IL1RAPL2: variants seen among roughly 807,000 people sequenced by gnomAD.
IL1RAPL2 encodes the protein X-linked interleukin-1 receptor accessory protein-like 2.
IL1RAPL2 carries 3 observed loss-of-function variants against 44.1 expected under a neutral mutation model. The ratio of observed to expected loss-of-function variants is 0.07; its 90% CI spans 0.03 to 0.18. The LOEUF (loss-of-function observed/expected upper bound fraction) is 0.18. Among genes scored for constraint, IL1RAPL2 ranks in the 10% least tolerant of loss-of-function variants. The pLI is 1.00. For missense variants in IL1RAPL2, 391 were observed against 496.4 expected, an observed-to-expected ratio of 0.79 and a Z score of 2.02; for synonymous variants, 181 against 178.8, an observed-to-expected ratio of 1.01 and a Z score of -0.10.
At chrX:105,139,905 T>G (rs998203976) in intron 2 of IL1RAPL2, among the ~76,000 whole-genome samples, 2 of 112,141 alleles carry the variant, frequency 1.8e-5, no homozygotes, top group Non-Finnish European at 3.8e-5. Context: ...TGTTCTCCCT[T>G]TTTATGAACT....
chrX:104,726,836 G>C (rs1931805796), intron 2 of IL1RAPL2, among the ~76,000 whole-genome samples: 1 of 110,830 alleles, frequency 9.0e-6, no homozygotes, highest in South Asian at 3.8e-4. Context: ...TTGAAGTCAA[G>C]TAATGTGATG....
chrX:105,367,708 A>T (rs187456228), intron 5 of IL1RAPL2, among the ~76,000 whole-genome samples: 2 of 111,515 alleles, frequency 1.8e-5, no homozygotes, highest in Non-Finnish European at 3.8e-5. Flanking sequence ...TTAACAAATG[A>T]TTGTATCTAT....
chrX:105,642,537 C>T (rs1031141706), intron 6 of IL1RAPL2, among the ~76,000 whole-genome samples: 13 of 112,040 alleles, frequency 1.2e-4, no homozygotes, highest in African/African-American at 4.2e-4. Flanking sequence ...AGACCCACAA[C>T]ACATAACCAG....
chrX:105,510,907 C>T (rs2036465040), intron 6 of IL1RAPL2, among the ~76,000 whole-genome samples: 1 of 111,746 alleles, frequency 8.9e-6, no homozygotes, highest in Non-Finnish European at 1.9e-5. Flanking sequence ...TGTTGTTTTG[C>T]CACAAACTTT....
At chrX:104,633,473 G>C (rs1929706470) in intron 1 of IL1RAPL2, among the ~76,000 whole-genome samples, 1 of 111,506 alleles carries the variant, frequency 9.0e-6, no homozygotes, top group Non-Finnish European at 1.9e-5. Flanking sequence ...TCAGGTCCTG[G>C]ACTTTTTTTG....
chrX:105,514,118 T>C (rs184291247), intron 6 of IL1RAPL2, among the ~76,000 whole-genome samples: 163 of 111,560 alleles, frequency 1.5e-3, no homozygotes, highest in Non-Finnish European at 1.9e-3. Flanking sequence ...CAAATGTCAG[T>C]CTACTATTAA....
intron 2 of IL1RAPL2, among the ~76,000 whole-genome samples, chrX:104,898,080 G>A (rs1330419755): frequency 9.0e-6 from 1 of 111,691 alleles, no homozygotes; most frequent in African/African-American, 3.3e-5. Context: ...TATCATTGAC[G>A]GAGAGATTGG....
At chrX:105,265,407 G>T (rs746231266) in intron 4 of IL1RAPL2, among the ~76,000 whole-genome samples, 19 of 111,785 alleles carry the variant, frequency 1.7e-4, no homozygotes, top group African/African-American at 5.8e-4. Context: ...CTTTTTCTCT[G>T]TGTTCAGACT....
chrX:104,608,631 G>GT (rs1372224305), intron 1 of IL1RAPL2, among the ~76,000 whole-genome samples: 1 of 75,963 alleles, frequency 1.3e-5, no homozygotes, highest in African/African-American at 4.9e-5. Flanking sequence ...TTTAAAGTCT[G>GT]TTTTTTTAGA....
At chrX:105,750,273 T>C (rs1349757343) in intron 9 of IL1RAPL2, among the ~76,000 whole-genome samples, 3 of 78,542 alleles carry the variant, frequency 3.8e-5, no homozygotes, top group African/African-American at 1.0e-4. Flanking sequence ...TTTGTTTTGT[T>C]TTGTCTTTTT....
intron 2 of IL1RAPL2, among the ~76,000 whole-genome samples, chrX:104,695,788 G>GT (rs1931171659): frequency 9.0e-6 from 1 of 111,190 alleles, no homozygotes; most frequent in African/African-American, 3.3e-5. Context: ...CAACAGCCCT[G>GT]TGAAGTAGGT....
chrX:105,242,031 GTA>G (rs1397600219), intron 4 of IL1RAPL2, among the ~76,000 whole-genome samples: 1 of 111,904 alleles, frequency 8.9e-6, no homozygotes, highest in African/African-American at 3.2e-5. Flanking sequence ...TTTTAATTAT[GTA>G]CTAGGTGTGG....
chrX:105,448,546 G>GT (rs1035147114), intron 5 of IL1RAPL2, among the ~76,000 whole-genome samples: 3 of 110,046 alleles, frequency 2.7e-5, no homozygotes, highest in African/African-American at 1.0e-4. Flanking sequence ...TGTATTTTTA[G>GT]TAGAGACGGG....
intron 2 of IL1RAPL2, among the ~76,000 whole-genome samples, chrX:105,097,236 A>G (rs1270663505): frequency 9.5e-6 from 1 of 105,118 alleles, no homozygotes; most frequent in Non-Finnish European, 1.9e-5. Context: ...CTGAGGCAGG[A>G]GAATGGCATG....
chrX:105,670,575 A>G (rs2037815398), intron 6 of IL1RAPL2, among the ~76,000 whole-genome samples: 1 of 107,612 alleles, frequency 9.3e-6, no homozygotes, highest in African/African-American at 3.4e-5. Context: ...CTGGGATTAC[A>G]GGCGTGAGCC....
At chrX:104,585,181 A>G (rs1602630966) in intron 1 of IL1RAPL2, among the ~76,000 whole-genome samples, 1 of 64,321 alleles carries the variant, frequency 1.6e-5, no homozygotes, top group African/African-American at 9.4e-5. Flanking sequence ...ATATATACAC[A>G]CATACACACA....
At chrX:105,008,757 CTATTTAAACTAAAGAGCT>C (rs1395625615) in intron 2 of IL1RAPL2, among the ~76,000 whole-genome samples, 1 of 111,580 alleles carries the variant, frequency 9.0e-6, no homozygotes, top group Non-Finnish European at 1.9e-5. Flanking sequence ...CAAATGGGAT[CTATTTAAACTAAAGAGCT>C]TCTGCACAGC....
chrX:104,854,412 C>A (rs1411502983), intron 2 of IL1RAPL2, among the ~76,000 whole-genome samples: 12 of 111,917 alleles, frequency 1.1e-4, no homozygotes, highest in African/African-American at 3.3e-4. Flanking sequence ...GACATTGTTC[C>A]ATGAGTCATC....
At chrX:104,845,311 A>G (rs1408032394) in intron 2 of IL1RAPL2, among the ~76,000 whole-genome samples, 1 of 112,405 alleles carries the variant, frequency 8.9e-6, no homozygotes, top group Non-Finnish European at 1.9e-5. Context: ...AGAAGCAGTT[A>G]TAACCATTCC....
Sources: gnomAD v4.1 joint callset for allele counts (sites outside exome capture counted in the v4.1 genomes callset) on GRCh38, gnomAD v4.1.1 for gene constraint, MANE v1.5 for transcripts, NCBI Gene and HGNC (gene_info 2026-07-23, HGNC 2026-07-21) for gene names.